Variants in VWA3B observed in about 807,000 individuals in gnomAD.
The protein encoded by VWA3B is von Willebrand factor A domain-containing protein 3B.
VWA3B carries 138 observed loss-of-function variants against 158.3 expected under a neutral mutation model. The observed-to-expected ratio is 0.87, with a 90% CI of 0.76 to 1.00. The LOEUF (loss-of-function observed/expected upper bound fraction) is 1.00. Ranked by LOEUF, VWA3B falls within the 50% of genes least tolerant of loss-of-function variation. The pLI is 0.00. For missense variants in VWA3B, 1,555 were observed against 1,565.1 expected, an observed-to-expected ratio of 0.99 and a Z score of 0.11; for synonymous variants, 596 against 587.3, an observed-to-expected ratio of 1.01 and a Z score of -0.21.
intron 12 of VWA3B, chr2:98,207,527 A>G (rs568620138): frequency 7.5e-5 from 39 of 520,130 alleles, no homozygotes; most frequent in South Asian, 5.4e-4. Context: ...TGGATAATAC[A>G]ACGTTTCTTG....
At chr2:98,186,056 C>T (rs1681011688) in intron 9 of VWA3B, among the ~76,000 whole-genome samples, 1 of 152,102 alleles carries the variant, frequency 6.6e-6, no homozygotes, top group African/African-American at 2.4e-5. Context: ...CACCAAAACC[C>T]ACGTTTTGCA....
chr2:98,153,320 G>A (rs769172088), intron 7 of VWA3B, among the ~76,000 whole-genome samples: 8 of 152,138 alleles, frequency 5.3e-5, no homozygotes, highest in African/African-American at 7.2e-5. Context: ...AGTACTCCTG[G>A]CAAATGTCCT....
chr2:98,155,511 G>A (rs1200946535), intron 7 of VWA3B, among the ~76,000 whole-genome samples: 1 of 152,162 alleles, frequency 6.6e-6, no homozygotes, highest in Non-Finnish European at 1.5e-5. Context: ...CTGAGCCTCG[G>A]TGTGCTCATC....
chr2:98,172,653 G>A (rs1679695731), intron 8 of VWA3B, among the ~76,000 whole-genome samples: 1 of 152,092 alleles, frequency 6.6e-6, no homozygotes, highest in South Asian at 2.1e-4. Context: ...TCCCTTCCCA[G>A]CACTTCCGCA....
intron 2 of VWA3B, among the ~76,000 whole-genome samples, chr2:98,110,080 CT>C (rs541914854): frequency 2.6e-4 from 38 of 145,048 alleles, no homozygotes; most frequent in East Asian, 1.2e-3. Context: ...TCTTTGAATT[CT>C]TTTTTTTTTT....
At chr2:98,248,090 C>T (rs2105788850) in intron 19 of VWA3B, among the ~76,000 whole-genome samples, 1 of 151,964 alleles carries the variant, frequency 6.6e-6, no homozygotes, top group African/African-American at 2.4e-5. Flanking sequence ...TCTTTTCTTC[C>T]AAGATAAATT....
intron 5 of VWA3B, chr2:98,122,172 G>GT (rs1033868748): frequency 2.0e-5 from 3 of 152,318 alleles, no homozygotes; most frequent in African/African-American, 7.2e-5. Context: ...AGTGATGGGA[G>GT]TGTTGGGGCA....
chr2:98,205,405 A>G (rs1339820877), intron 12 of VWA3B, among the ~76,000 whole-genome samples: 1 of 152,130 alleles, frequency 6.6e-6, no homozygotes, highest in Non-Finnish European at 1.5e-5. Flanking sequence ...TGTTGGTAAT[A>G]TGTGTCTTTT....
At chr2:98,157,280 T>C (rs192182201) in intron 7 of VWA3B, among the ~76,000 whole-genome samples, 1 of 152,338 alleles carries the variant, frequency 6.6e-6, no homozygotes, top group African/African-American at 2.4e-5. Context: ...GATGGTGAAA[T>C]GACTCTATAT....
chr2:98,262,328 C>CT (rs1289564995), intron 21 of VWA3B, among the ~76,000 whole-genome samples: 3 of 151,864 alleles, frequency 2.0e-5, no homozygotes, highest in Non-Finnish European at 4.4e-5. Context: ...GCTGCCTACA[C>CT]TTTTGGTGTC....
chr2:98,168,120 A>T (rs2105278153), intron 8 of VWA3B, among the ~76,000 whole-genome samples: 1 of 152,358 alleles, frequency 6.6e-6, no homozygotes, highest in Middle Eastern at 3.4e-3. Flanking sequence ...ATCCGTGATA[A>T]GTAGAAACAT....
intron 26 of VWA3B, among the ~76,000 whole-genome samples, chr2:98,304,455 C>T (rs1250159525): frequency 6.6e-6 from 1 of 152,096 alleles, no homozygotes; most frequent in Non-Finnish European, 1.5e-5. Context: ...GGGAAAAGGA[C>T]CCAGGAAACA....
intron 12 of VWA3B, among the ~76,000 whole-genome samples, chr2:98,205,845 C>T (rs1417567736): frequency 6.6e-6 from 1 of 152,028 alleles, no homozygotes; most frequent in East Asian, 1.9e-4. Flanking sequence ...TGTTGTCTTT[C>T]TGTTATTAAT....
At chr2:98,311,622 C>T (rs76660781) in intron 26 of VWA3B, among the ~76,000 whole-genome samples, 197 bp from the exon 27 acceptor site, 2,181 of 152,264 alleles carry the variant, frequency 0.014, 148 homozygotes, top group Admixed American at 0.11. Context: ...CTCCCAAACA[C>T]CAAAGGCTCG....
At chr2:98,303,579 A>C in intron 25 of VWA3B, 123 bp from the exon 26 acceptor site, 1 of 855,030 alleles carries the variant, frequency 1.2e-6, no homozygotes, top group Non-Finnish European at 1.8e-6. Flanking sequence ...TACTCTTTTA[A>C]GTGTCACCCT....
At chr2:98,168,447 A>C (rs1325673613) in intron 8 of VWA3B, among the ~76,000 whole-genome samples, 1 of 152,038 alleles carries the variant, frequency 6.6e-6, no homozygotes, top group Non-Finnish European at 1.5e-5. Context: ...GAAATTTTCA[A>C]AAAATTCTTT....
chr2:98,316,507 G>A (rs1691089002), downstream of VWA3B, among the ~76,000 whole-genome samples: 2 of 152,032 alleles, frequency 1.3e-5, no homozygotes, highest in Admixed American at 1.3e-4. Context: ...TGCTGGGTGT[G>A]GTGACACACG....
intron 22 of VWA3B, among the ~76,000 whole-genome samples, chr2:98,272,926 C>A (rs1440417456): frequency 6.6e-6 from 1 of 152,126 alleles, no homozygotes; most frequent in Non-Finnish European, 1.5e-5. Context: ...CCATGTGATG[C>A]CTTTTGCCAG....
At position 98,128,290 on chromosome 2, in the gene VWA3B, G is replaced by T. The variant is rs780808642; in HGVS notation, c.754G>T (p.Glu252Ter). Reference protein sequence around the residue: ...VVGDVPEESKELLLQRALEIP... With the variant: ...VVGDVPEESK ...GGGGGATGTTCCTGAAGAATCCAAGGAGCTTCTCCTCCAGAGGGCCTTGGA... is the reference window on the plus strand; with the variant it reads ...GGGGGATGTTCCTGAAGAATCCAAGTAGCTTCTCCTCCAGAGGGCCTTGGA... The change falls in exon 6 of 28, where the codon GAG (glutamate) becomes TAG (stop). Residue 252 changes from glutamate (E) to a stop codon, truncating the protein, a stop_gained. Coordinates refer to ENST00000477737, the MANE Select transcript of VWA3B (RefSeq NM_144992.5). LOFTEE classifies it high-confidence loss of function. 1.3e-5 allele frequency: 21 copies of T among 1,614,002 alleles called. No individual in the cohort carries two copies. In the East Asian group the frequency reaches 4.5e-4, roughly 34 times the overall value.
Sources: allele counts gnomAD v4.1 joint callset (sites outside exome capture counted in the v4.1 genomes callset), GRCh38; gene constraint gnomAD v4.1.1; transcripts MANE v1.5; gene names NCBI Gene and HGNC (gene_info 2026-07-23, HGNC 2026-07-21).